The following CTTNBP2NL variants were observed in gnomAD, a reference collection of about 807,000 sequenced individuals.
The protein encoded by CTTNBP2NL is CTTNBP2 N-terminal like.
CTTNBP2NL carries 16 observed loss-of-function variants against 32.5 expected under a neutral mutation model. The observed-to-expected ratio is 0.49, with a 90% CI of 0.33 to 0.75. The LOEUF (loss-of-function observed/expected upper bound fraction) is 0.75. Ranked by LOEUF, CTTNBP2NL falls within the 30% of genes least tolerant of loss-of-function variation. The pLI, the probability that CTTNBP2NL is intolerant of heterozygous loss-of-function variation, is 0.02. For missense variants in CTTNBP2NL, 645 were observed against 756.0 expected (o/e 0.85, Z 1.72); for synonymous variants, 298 against 289.4 (o/e 1.03, Z -0.30).
intron 1 of CTTNBP2NL, among the ~76,000 whole-genome samples, chr1:112,398,817 CAAAAAA>C (rs3033224): frequency 1.1e-5 from 1 of 93,598 alleles, no homozygotes; most frequent in Admixed American, 1.3e-4. Flanking sequence ...TGTCTCTTAA[CAAAAAA>C]AAAAAAAAAA....
chr1:112,405,331 T>C (rs894007065), intron 1 of CTTNBP2NL, among the ~76,000 whole-genome samples: 4 of 152,170 alleles, frequency 2.6e-5, no homozygotes, highest in African/African-American at 9.7e-5. Flanking sequence ...AGAGTCTTGC[T>C]CTGTCTCCCA....
Position 112,427,458 on chromosome 1 carries a change from C to T in CTTNBP2NL, c.99+11194C>T, listed in dbSNP as rs1210849840. Among the ~76,000 whole-genome samples, 3 of 152,188 alleles carry T rather than the reference C, an allele frequency of 2.0e-5. No homozygotes were observed. The East Asian group carries it at 5.8e-4, about 29-fold the overall frequency. On this transcript the variant is annotated intron_variant, in intron 3 of 5. Coordinates refer to ENST00000271277, the MANE Select transcript of CTTNBP2NL (RefSeq NM_018704.3). ...TTTACTGAATTTACTAATCTCAGGA[C>T]ACCTACTGAGGAGAGTGGCTGTAGT...
At chr1:112,405,343 G>A (rs1248760173) in intron 1 of CTTNBP2NL, among the ~76,000 whole-genome samples, 1 of 152,084 alleles carries the variant, frequency 6.6e-6, no homozygotes, top group Non-Finnish European at 1.5e-5. Flanking sequence ...TGTCTCCCAG[G>A]CTGTAGTGCA....
intron 4 of CTTNBP2NL, among the ~76,000 whole-genome samples, chr1:112,450,044 C>A (rs916334403): frequency 4.6e-5 from 7 of 152,170 alleles, no homozygotes; most frequent in African/African-American, 1.7e-4. Context: ...TAGATTTATG[C>A]CAACAAGGCA....
intron 3 of CTTNBP2NL, among the ~76,000 whole-genome samples, chr1:112,432,781 T>C (rs1570733771): frequency 6.6e-6 from 1 of 152,110 alleles, no homozygotes; most frequent in Non-Finnish European, 1.5e-5. Context: ...CTTCTCAATC[T>C]TGCCATCCTT....
At chr1:112,399,308 G>A (rs1042516497) in intron 1 of CTTNBP2NL, among the ~76,000 whole-genome samples, 5 of 111,360 alleles carry the variant, frequency 4.5e-5, no homozygotes, top group Non-Finnish European at 8.4e-5. Flanking sequence ...AACAAAGCGA[G>A]ACTCTGTCTC....
At position 112,443,299 on chromosome 1, in the gene CTTNBP2NL, T is replaced by C. The variant is rs1267256927; in HGVS notation, c.100-5643T>C. The stretch of plus-strand genomic sequence containing the variant: ...TGCGATCTTGGCTCACTGCAACCTT[T>C]CCCTCCCAGGTTCAAGTGATTCTCG... On this transcript the variant is annotated intron_variant, in intron 3 of 5. Coordinates refer to ENST00000271277, the MANE Select transcript of CTTNBP2NL (RefSeq NM_018704.3). Among the ~76,000 whole-genome samples, 4 of 152,210 alleles carry C rather than the reference T, an allele frequency of 2.6e-5. No individual in the cohort carries two copies. In the South Asian group the frequency reaches 6.2e-4, roughly 24 times the overall value.
intron 3 of CTTNBP2NL, among the ~76,000 whole-genome samples, chr1:112,432,267 G>T (rs899029447): frequency 3.3e-5 from 5 of 151,654 alleles, no homozygotes; most frequent in Admixed American, 6.6e-5. Context: ...TAGAGACAGG[G>T]TTTCACCGTG....
chr1:112,441,651 A>G (rs144200210), intron 3 of CTTNBP2NL, among the ~76,000 whole-genome samples: 4 of 152,306 alleles, frequency 2.6e-5, no homozygotes, highest in Non-Finnish European at 5.9e-5. Context: ...GTACTGTTTT[A>G]TACTCTCACT....
intron 3 of CTTNBP2NL, among the ~76,000 whole-genome samples, chr1:112,448,514 C>A (rs1428899639): frequency 6.6e-6 from 1 of 152,086 alleles, no homozygotes; most frequent in Admixed American, 6.6e-5. Flanking sequence ...GTAATATAAG[C>A]ATTCATAAGC....
chr1:112,420,250 A>G (rs1649187159), intron 3 of CTTNBP2NL, among the ~76,000 whole-genome samples: 1 of 149,968 alleles, frequency 6.7e-6, no homozygotes, highest in Admixed American at 6.7e-5. Context: ...AGTTCAAGTG[A>G]TTCTCCTGTC....
chr1:112,444,225 AT>A (rs1649973134), intron 3 of CTTNBP2NL, among the ~76,000 whole-genome samples: 1 of 152,226 alleles, frequency 6.6e-6, no homozygotes, highest in African/African-American at 2.4e-5. Context: ...TCACCATTGG[AT>A]TTTGAACGAT....
intron 2 of CTTNBP2NL, 25 bp downstream of exon 2, chr1:112,412,342 G>A (rs1412931): frequency 0.56 from 85,373 of 152,086 alleles, 24,938 homozygotes; most frequent in South Asian, 0.71. Flanking sequence ...TACCTCCAAG[G>A]ATATCACTGC....
intron 3 of CTTNBP2NL, among the ~76,000 whole-genome samples, chr1:112,422,072 TAACA>T (rs1649248803): frequency 6.6e-6 from 1 of 152,174 alleles, no homozygotes; most frequent in African/African-American, 2.4e-5. Flanking sequence ...ACAATCAAGA[TAACA>T]AACATATCCA....
chr1:112,392,927 G>A (rs1045001797), upstream of CTTNBP2NL, among the ~76,000 whole-genome samples: 2 of 151,908 alleles, frequency 1.3e-5, no homozygotes, highest in Non-Finnish European at 2.9e-5. Flanking sequence ...GCGCGATCTC[G>A]GCTCACTGCA....
At chr1:112,408,800 T>A (rs1777608) in intron 1 of CTTNBP2NL, among the ~76,000 whole-genome samples, 3 of 152,034 alleles carry the variant, frequency 2.0e-5, no homozygotes, top group Middle Eastern at 3.4e-3. Context: ...TTTACTGGCC[T>A]CCTATATTTT....
chr1:112,404,471 G>C (rs1648600608), intron 1 of CTTNBP2NL, among the ~76,000 whole-genome samples: 1 of 152,168 alleles, frequency 6.6e-6, no homozygotes, highest in African/African-American at 2.4e-5. Context: ...CCCCAGTGTG[G>C]AATCTTAGTG....
intron 2 of CTTNBP2NL, 158 bp from the exon 3 acceptor site, chr1:112,415,999 G>A (rs1363011095): frequency 1.8e-6 from 1 of 550,080 alleles, no homozygotes; most frequent in African/African-American, 2.0e-5. Flanking sequence ...CTTAGTTTGT[G>A]ATTAACACCA....
At chr1:112,425,991 G>A (rs1382196187) in intron 3 of CTTNBP2NL, among the ~76,000 whole-genome samples, 1 of 134,916 alleles carries the variant, frequency 7.4e-6, no homozygotes, top group Non-Finnish European at 1.7e-5. Context: ...GTGTGTGTGT[G>A]TGTGTGTGTG....
Sources: allele counts gnomAD v4.1 joint callset (sites outside exome capture counted in the v4.1 genomes callset), GRCh38; gene constraint gnomAD v4.1.1; transcripts MANE v1.5; gene names NCBI Gene and HGNC (gene_info 2026-07-23, HGNC 2026-07-21).